LACTB2: variants seen among roughly 807,000 people sequenced by gnomAD.
LACTB2 encodes the protein lactamase beta 2, also known as endoribonuclease LACTB2.
A neutral mutation model predicts 34.8 loss-of-function variants in LACTB2; 32 were observed. The ratio of observed to expected loss-of-function variants is 0.92; its 90% confidence interval spans 0.69 to 1.24. The LOEUF is 1.24. Among genes scored for constraint, LACTB2 ranks in the 50% most tolerant of loss-of-function variants. LACTB2 has a pLI of 0.00. For missense variants in LACTB2, 320 were observed against 345.0 expected (o/e 0.93, Z 0.57); for synonymous variants, 120 against 117.5 (o/e 1.02, Z -0.14).
At chr8:70,650,505 C>G (rs1339091434) in intron 3 of LACTB2, among the ~76,000 whole-genome samples, 1 of 152,034 alleles carries the variant, frequency 6.6e-6, no homozygotes, top group Non-Finnish European at 1.5e-5. Flanking sequence ...CTTTGGGAGG[C>G]CGAGGCCTGA....
intron 3 of LACTB2, among the ~76,000 whole-genome samples, chr8:70,647,891 G>A (rs146023539): frequency 2.2e-4 from 34 of 152,244 alleles, no homozygotes; most frequent in African/African-American, 8.2e-4. Flanking sequence ...GGAAACGCTG[G>A]AGGTTTAATC....
intron 1 of LACTB2, among the ~76,000 whole-genome samples, chr8:70,666,041 A>G (rs1156966327): frequency 1.3e-5 from 2 of 152,192 alleles, no homozygotes; most frequent in Non-Finnish European, 2.9e-5. Flanking sequence ...CAGATGAGGA[A>G]GGAAGACCAG....
At chr8:70,658,106 T>C (rs1360766912) in intron 2 of LACTB2, among the ~76,000 whole-genome samples, 1 of 152,176 alleles carries the variant, frequency 6.6e-6, no homozygotes, top group Non-Finnish European at 1.5e-5. Flanking sequence ...TAGGTCTACA[T>C]GAAAGCCTCT....
chr8:70,644,024 T>A, intron 4 of LACTB2, 41 bp downstream of exon 4: 5 of 1,433,850 alleles, frequency 3.5e-6, no homozygotes, highest in Non-Finnish European at 4.6e-6. Context: ...TTGTCTCTAT[T>A]TAAAAACATA....
rs952573175 is a variant in LACTB2, at chr8:70,643,927, C to T, written c.592+138G>A. ...TGAAAAACTACCCACTTTGGCATGCCTGTATACCCAGCGCTTTGGGAGGTT... is the reference window on the plus strand; with the variant it reads ...TGAAAAACTACCCACTTTGGCATGCTTGTATACCCAGCGCTTTGGGAGGTT... On this transcript the variant is annotated intron_variant, in intron 4 of 6. Coordinates refer to ENST00000276590, the MANE Select transcript of LACTB2 (RefSeq NM_016027.3). 11 of 791,872 alleles carry T rather than the reference C, an allele frequency of 1.4e-5. No homozygotes were observed. The East Asian group carries it at 3.5e-4, about 25-fold the overall frequency. 49.1% of individuals were successfully genotyped at this position (791,872 alleles called of 1,614,324 possible).
intron 2 of LACTB2, chr8:70,660,508 A>T (rs1009638297): frequency 2.4e-6 from 1 of 411,418 alleles, no homozygotes; most frequent in African/African-American, 2.1e-5. Flanking sequence ...AAGGCCTAAA[A>T]AAGCAGATCT....
At chr8:70,642,504 C>CTTTTTT (rs35951740) in intron 4 of LACTB2, among the ~76,000 whole-genome samples, 1 of 130,336 alleles carries the variant, frequency 7.7e-6, no homozygotes, top group Non-Finnish European at 1.6e-5. Context: ...TCTTTCTTAG[C>CTTTTTT]TTTTTTTTTT....
At chr8:70,661,513 C>A (rs149961656) in intron 2 of LACTB2, 160 of 438,256 alleles carry the variant, frequency 3.7e-4, no homozygotes, top group Non-Finnish European at 6.1e-4. Context: ...GTAACTCACA[C>A]ACTAAAGTAA....
Position 70,640,906 on chromosome 8 carries a change from T to C in LACTB2, c.737A>G (p.Tyr246Cys), listed in dbSNP as rs751047500. 3.8e-6 allele frequency: 6 copies of C among 1,575,212 alleles called. No homozygotes were observed. In the East Asian group the frequency reaches 1.1e-4, roughly 30 times the overall value. The change falls in exon 5 of 7, where the codon TAC becomes TGC. Residue 246 changes from tyrosine to cysteine, a missense_variant. Physicochemically the swap from Tyr to Cys is radical, Grantham distance 194. Transcript: ENST00000276590. ...FTVMELVKIIYKNTPENLHEM... is the reference protein window; with the variant it reads ...FTVMELVKIICKNTPENLHEM... Reference sequence around the variant, plus strand: ...AATAAGAAAACTGAAAATTACCTTGTAAATAATTTTTACAAGCTCCATTAC... The same window carrying C: ...AATAAGAAAACTGAAAATTACCTTGCAAATAATTTTTACAAGCTCCATTAC...
At chr8:70,640,809 A>C (rs1437915681) in intron 5 of LACTB2, 93 bp downstream of exon 5, 2 of 1,292,324 alleles carry the variant, frequency 1.5e-6, no homozygotes, top group Non-Finnish European at 2.0e-6. Context: ...GTAACTTCTG[A>C]TCTGGGATAT....
intron 3 of LACTB2, among the ~76,000 whole-genome samples, chr8:70,645,091 T>C (rs1233089468): frequency 6.6e-6 from 1 of 152,028 alleles, no homozygotes; most frequent in African/African-American, 2.4e-5. Flanking sequence ...TACACATATA[T>C]ACATATATGT....
At chr8:70,657,965 T>G (rs1818433679) in intron 2 of LACTB2, 83 bp from the exon 3 acceptor site, 1 of 837,044 alleles carries the variant, frequency 1.2e-6, no homozygotes. Context: ...GAGCTAACAC[T>G]TGTGAATGAC....
intron 1 of LACTB2, among the ~76,000 whole-genome samples, chr8:70,666,508 T>G (rs906152129): frequency 6.6e-6 from 1 of 152,192 alleles, no homozygotes; most frequent in Non-Finnish European, 1.5e-5. Flanking sequence ...AAGGCCAGCA[T>G]GGCTGGAGTG....
intron 4 of LACTB2, among the ~76,000 whole-genome samples, chr8:70,642,187 C>A (rs745545625): frequency 1.3e-5 from 2 of 152,218 alleles, no homozygotes; most frequent in Non-Finnish European, 2.9e-5. Context: ...TGTGAATTCA[C>A]TCAACGTCTG....
chr8:70,664,563 AAAG>A (rs1417878763), intron 1 of LACTB2, among the ~76,000 whole-genome samples: 8 of 152,140 alleles, frequency 5.3e-5, no homozygotes, highest in Non-Finnish European at 1.0e-4. Context: ...GGAATTGATA[AAAG>A]AAGGGCTCTC....
chr8:70,657,092 A>G (rs893910583), intron 3 of LACTB2, among the ~76,000 whole-genome samples: 1 of 152,200 alleles, frequency 6.6e-6, no homozygotes, highest in Non-Finnish European at 1.5e-5. Flanking sequence ...CAGATAGGTC[A>G]TGAGGTATGA....
chr8:70,654,112 G>A (rs577459509), intron 3 of LACTB2: 2 of 152,288 alleles, frequency 1.3e-5, no homozygotes, highest in African/African-American at 4.8e-5. Flanking sequence ...CTTAGTAAGT[G>A]CTATTATAGA....
At chr8:70,665,833 A>G (rs1276468406) in intron 1 of LACTB2, among the ~76,000 whole-genome samples, 1 of 152,224 alleles carries the variant, frequency 6.6e-6, no homozygotes, top group Non-Finnish European at 1.5e-5. Flanking sequence ...CTGTCTGCCC[A>G]CAAAGTATGT....
At chr8:70,638,718 A>G in intron 5 of LACTB2, 89 bp from the exon 6 acceptor site, 2 of 1,072,096 alleles carry the variant, frequency 1.9e-6, no homozygotes, top group Non-Finnish European at 2.5e-6. Context: ...GAAAAGCAAA[A>G]TGTAGCAAAA....
Sources: allele counts gnomAD v4.1 joint callset (sites outside exome capture counted in the v4.1 genomes callset), GRCh38; gene constraint gnomAD v4.1.1; transcripts MANE v1.5; gene names NCBI Gene and HGNC (gene_info 2026-07-23, HGNC 2026-07-21).